SLC9A7: variants seen among roughly 807,000 people sequenced by gnomAD.
The protein encoded by SLC9A7 is sodium/hydrogen exchanger 7.
SLC9A7 carries 19 observed loss-of-function variants against 52.6 expected under a neutral mutation model. That is an observed-to-expected ratio of 0.36 (90% CI 0.25 to 0.53). The LOEUF (loss-of-function observed/expected upper bound fraction) is 0.53. Among genes scored for constraint, SLC9A7 ranks in the 20% least tolerant of loss-of-function variants. The probability of loss-of-function intolerance (pLI) is 0.91; values close to 1 mark genes in which losing one functional copy is unlikely to be tolerated. For synonymous variants in SLC9A7, 226 were observed against 252.1 expected (o/e 0.90, Z 0.98); for missense variants, 455 against 597.9 (o/e 0.76, Z 2.49).
At chrX:46,675,071 GTGTGTGT>G (rs1569515633) in intron 3 of SLC9A7, among the ~76,000 whole-genome samples, 1 of 50,504 alleles carries the variant, frequency 2.0e-5, no homozygotes, top group African/African-American at 2.8e-4. Context: ...ATGTGTGTGT[GTGTGTGT>G]GTGTGTGTGT....
At chrX:46,697,435 T>C (rs888140658) in intron 1 of SLC9A7, among the ~76,000 whole-genome samples, 1 of 112,012 alleles carries the variant, frequency 8.9e-6, no homozygotes, top group Non-Finnish European at 1.9e-5. Context: ...CAGAAGAATG[T>C]GGATTGTGAA....
chrX:46,710,357 C>T (rs1250775695), intron 1 of SLC9A7, among the ~76,000 whole-genome samples: 2 of 111,769 alleles, frequency 1.8e-5, no homozygotes, highest in Admixed American at 9.5e-5. Context: ...ATGGAATGTA[C>T]CTGGAATAGG....
rs1385735293 is a variant in SLC9A7 at position 46,603,368 on chromosome X, A to G, written c.*3584T>C. 1 of 112,123 alleles carries G rather than the reference A, an allele frequency of 8.9e-6. No homozygotes were observed. The highest frequency in any genetic ancestry group is 1.9e-5 in the Non-Finnish European group (1 of 53,234). 9.2% of individuals were successfully genotyped at this position (112,123 alleles called of 1,213,427 possible). On this transcript the variant is annotated 3_prime_UTR_variant, in exon 17 of 17. Transcript: ENST00000616978. ...TCTAGTTTTGGTCTTGGCAATCTAC[A>G]TTTCCTTGTATGTGAGTAGATCAGA...
intron 11 of SLC9A7, among the ~76,000 whole-genome samples, chrX:46,645,709 C>T (rs1943481220): frequency 9.4e-6 from 1 of 106,559 alleles, no homozygotes; most frequent in Non-Finnish European, 1.9e-5. Flanking sequence ...GAGTACTGGG[C>T]CCATGTGGCA....
intron 1 of SLC9A7, among the ~76,000 whole-genome samples, chrX:46,731,376 G>A (rs1274610358): frequency 9.5e-6 from 1 of 104,946 alleles, no homozygotes; most frequent in African/African-American, 3.4e-5. Flanking sequence ...AGGATCACTT[G>A]AGGCCAGGAA....
chrX:46,740,927 C>T (rs376621405), intron 1 of SLC9A7, among the ~76,000 whole-genome samples: 1 of 103,855 alleles, frequency 9.6e-6, no homozygotes, highest in Non-Finnish European at 2.0e-5. Flanking sequence ...GCTACTAAAA[C>T]GAACAAGTGA....
chrX:46,683,110 C>T (rs191419296), intron 1 of SLC9A7, among the ~76,000 whole-genome samples: 149 of 109,155 alleles, frequency 1.4e-3, no homozygotes, highest in Admixed American at 6.1e-3. Flanking sequence ...CACATCCAGC[C>T]AGCCCTGTGA....
chrX:46,738,769 CAA>C (rs34032704), intron 1 of SLC9A7, among the ~76,000 whole-genome samples: 1 of 89,651 alleles, frequency 1.1e-5, no homozygotes. Context: ...GACTCCATCT[CAA>C]AAAAAAAAAA....
Position 46,669,676 on chromosome X carries a change from G to A in SLC9A7, c.724C>T (p.Gln242Ter). 1 of 1,191,790 alleles carries A rather than the reference G, an allele frequency of 8.4e-7. No homozygotes were observed. The highest frequency in any genetic ancestry group is 1.8e-5 in the African/African-American group (1 of 56,989). The change falls in exon 5 of 17, where the codon CAG (glutamine) becomes TAG (stop). Residue 242 changes from glutamine (Q) to a stop codon, truncating the protein, a stop_gained. Coordinates refer to ENST00000616978, the MANE Select transcript of SLC9A7 (RefSeq NM_001257291.2). LOFTEE classifies it high-confidence loss of function. ...GVVKLMKIMG[Q>*]LSDKFYYTDC... is the part of the protein sequence containing the mutation. ...GTGTAGTAAAATTTATCTGAGAGCT[G>A]TCCCATAATCTTCATGAGCTTCACC...
intron 1 of SLC9A7, among the ~76,000 whole-genome samples, chrX:46,722,792 G>A (rs1158159558): frequency 8.9e-6 from 1 of 111,987 alleles, no homozygotes; most frequent in African/African-American, 3.2e-5. Flanking sequence ...CAGAGGTACA[G>A]GGAAAACCTC....
At chrX:46,647,767 G>A (rs1943516602) in intron 11 of SLC9A7, among the ~76,000 whole-genome samples, 1 of 112,708 alleles carries the variant, frequency 8.9e-6, no homozygotes, top group Non-Finnish European at 1.9e-5. Context: ...TCAGAGGCAA[G>A]CTAGCATGAG....
In SLC9A7 at chrX:46,613,249, C is replaced by A. The variant is rs748063587; in HGVS notation, c.1929+40G>T. On this transcript the variant is annotated intron_variant, in intron 16 of 16. Transcript: ENST00000616978. The stretch of plus-strand genomic sequence containing the variant: ...CTTCCTACGTAAGACACTACCCTGG[C>A]ATGGTGACCAGGACTCCAACCCTGA... 1.0e-4 allele frequency: 99 copies of A among 968,093 alleles called. No homozygotes were observed. The East Asian group carries it at 3.1e-3, about 30-fold the overall frequency. 79.8% of individuals were successfully genotyped at this position (968,093 alleles called of 1,213,427 possible).
intron 1 of SLC9A7, among the ~76,000 whole-genome samples, chrX:46,756,194 T>C (rs1430617039): frequency 9.0e-6 from 1 of 111,503 alleles, no homozygotes; most frequent in African/African-American, 3.3e-5. Flanking sequence ...AGAAATTAAG[T>C]TGGGTTCCCA....
intron 1 of SLC9A7, among the ~76,000 whole-genome samples, chrX:46,754,372 G>A (rs1322990553): frequency 1.8e-5 from 2 of 111,691 alleles, no homozygotes; most frequent in African/African-American, 6.5e-5. Flanking sequence ...AAGCAACAGG[G>A]CCAGCATTTG....
intron 1 of SLC9A7, among the ~76,000 whole-genome samples, chrX:46,692,419 C>T (rs765937627): frequency 8.1e-5 from 9 of 111,211 alleles, no homozygotes; most frequent in Non-Finnish European, 1.3e-4. Flanking sequence ...AAGGAAAATC[C>T]CTCTGCTTGT....
chrX:46,721,661 G>C (rs1944862542), intron 1 of SLC9A7, among the ~76,000 whole-genome samples: 1 of 111,533 alleles, frequency 9.0e-6, no homozygotes, highest in South Asian at 3.7e-4. Context: ...TGAAGGCCCA[G>C]GGTTGACAAA....
At position 46,643,187 on chromosome X, in the gene SLC9A7, AG is replaced by A. The variant is rs1292058489; in HGVS notation, c.1616+48del. The A allele has an allele frequency of 2.6e-6, 3 of 1,135,769 alleles. No individual in the cohort carries two copies. In the South Asian group the frequency reaches 6.0e-5, roughly 23 times the overall value. 93.6% of individuals were successfully genotyped at this position (1,135,769 alleles called of 1,213,427 possible). A position where few individuals can be genotyped will look rare whatever the true frequency, so the allele number is the denominator to read the frequency against. On this transcript the variant is annotated intron_variant, in intron 12 of 16. Transcript: ENST00000616978. ...CCTGCACAGGTTGTTGAACATTCTC[AG>A]GAACGGTGACAACTGACATACTCAA... is the stretch of plus-strand genomic sequence containing the variant.
At chrX:46,635,895 C>T (rs917005083) in intron 12 of SLC9A7, among the ~76,000 whole-genome samples, 15 of 111,487 alleles carry the variant, frequency 1.3e-4, no homozygotes, top group Non-Finnish European at 2.6e-4. Flanking sequence ...GGATGAGCCC[C>T]TCAAAATATA....
At chrX:46,724,326 T>C (rs1374370070) in intron 1 of SLC9A7, among the ~76,000 whole-genome samples, 1 of 111,609 alleles carries the variant, frequency 9.0e-6, no homozygotes. Flanking sequence ...GACTACTCAG[T>C]AGTTAGTAAA....
Sources: gnomAD v4.1 joint callset for allele counts (sites outside exome capture counted in the v4.1 genomes callset) on GRCh38, gnomAD v4.1.1 for gene constraint, MANE v1.5 for transcripts, NCBI Gene and HGNC (gene_info 2026-07-23, HGNC 2026-07-21) for gene names.